Variants in NRG1 observed in about 807,000 individuals in gnomAD.
The protein encoded by NRG1 is neuregulin 1, also known as pro-neuregulin-1, membrane-bound isoform.
In NRG1, 18 loss-of-function variants were observed where a neutral mutation model predicts 63.8. The ratio of observed to expected loss-of-function variants is 0.28; its 90% confidence interval spans 0.19 to 0.42. The LOEUF is 0.42. Among genes scored for constraint, NRG1 ranks in the 10% least tolerant of loss-of-function variants. The probability of loss-of-function intolerance (pLI) is 1.00; values close to 1 mark genes in which losing one functional copy is unlikely to be tolerated. For missense variants in NRG1, 762 were observed against 814.7 expected, an observed-to-expected ratio of 0.94 and a Z score of 0.79; for synonymous variants, 302 against 301.3, an observed-to-expected ratio of 1.00 and a Z score of -0.02.
chr8:32,588,966 G>T (rs1178781205), intron 1 of NRG1, among the ~76,000 whole-genome samples: 1 of 152,116 alleles, frequency 6.6e-6, no homozygotes, highest in Non-Finnish European at 1.5e-5. Context: ...TAGAGCACAG[G>T]GCGGGGTGAG....
chr8:32,198,708 T>C (rs960189257), intron 1 of NRG1, among the ~76,000 whole-genome samples: 1 of 152,202 alleles, frequency 6.6e-6, no homozygotes, highest in African/African-American at 2.4e-5. Context: ...GTCAATCTCA[T>C]ATCCAAAGCT....
intron 1 of NRG1, among the ~76,000 whole-genome samples, chr8:31,990,974 G>A (rs1430774024): frequency 6.6e-6 from 1 of 152,046 alleles, no homozygotes; most frequent in Non-Finnish European, 1.5e-5. Flanking sequence ...GAAAATTCTG[G>A]TTAAGGAAGA....
chr8:31,879,178 C>A (rs935189150), intron 1 of NRG1, among the ~76,000 whole-genome samples: 3 of 152,162 alleles, frequency 2.0e-5, no homozygotes, highest in Admixed American at 1.3e-4. Flanking sequence ...TTCAACACAG[C>A]CAATTTCCTA....
chr8:31,835,294 A>G (rs781335341), intron 1 of NRG1, among the ~76,000 whole-genome samples: 1 of 152,212 alleles, frequency 6.6e-6, no homozygotes, highest in Non-Finnish European at 1.5e-5. Context: ...AAAGTCCTCC[A>G]CTAATTCTCA....
At chr8:31,790,133 A>G (rs574056916) in intron 1 of NRG1, among the ~76,000 whole-genome samples, 11 of 152,344 alleles carry the variant, frequency 7.2e-5, no homozygotes, top group African/African-American at 2.6e-4. Context: ...ACTAATACAC[A>G]TTTCAGGCAT....
At chr8:32,610,353 G>T (rs1383535367) in intron 3 of NRG1, among the ~76,000 whole-genome samples, 1 of 152,072 alleles carries the variant, frequency 6.6e-6, no homozygotes, top group Admixed American at 6.6e-5. Flanking sequence ...GGGGAGGTTG[G>T]GGGAGACATT....
At chr8:32,020,288 A>G (rs1255682148) in intron 1 of NRG1, among the ~76,000 whole-genome samples, 1 of 152,176 alleles carries the variant, frequency 6.6e-6, no homozygotes. Flanking sequence ...ATCTCACTAT[A>G]ATTGTTATTA....
chr8:32,540,075 T>TTTG (rs149306385), intron 1 of NRG1, among the ~76,000 whole-genome samples: 150 of 152,032 alleles, frequency 9.9e-4, no homozygotes, highest in African/African-American at 1.8e-3. Context: ...AAAGAAAGGT[T>TTTG]TTGTTGTTGT....
intron 1 of NRG1, among the ~76,000 whole-genome samples, chr8:32,161,314 A>G (rs760077814): frequency 1.3e-5 from 2 of 152,206 alleles, no homozygotes; most frequent in Admixed American, 6.5e-5. Flanking sequence ...AGAGAGACTC[A>G]TTGAATCAGT....
chr8:32,688,833 C>G (rs28587287), intron 5 of NRG1, among the ~76,000 whole-genome samples: 12,998 of 152,044 alleles, frequency 0.085, 588 homozygotes, highest in Middle Eastern at 0.095. Flanking sequence ...ATTCCTATTC[C>G]TGATTTTATT....
At chr8:31,661,515 C>G (rs1246322618) in intron 1 of NRG1, among the ~76,000 whole-genome samples, 2 of 152,174 alleles carry the variant, frequency 1.3e-5, no homozygotes, top group African/African-American at 4.8e-5. Flanking sequence ...GTTCTTCTTT[C>G]ATAAACTCTG....
At chr8:32,470,408 G>T (rs1823693099) in intron 1 of NRG1, among the ~76,000 whole-genome samples, 1 of 151,286 alleles carries the variant, frequency 6.6e-6, no homozygotes, top group South Asian at 2.1e-4. Flanking sequence ...GTTTCACCGT[G>T]TTAGCCAGGA....
chr8:31,969,536 C>G (rs1806930780), intron 1 of NRG1, among the ~76,000 whole-genome samples: 1 of 152,104 alleles, frequency 6.6e-6, no homozygotes, highest in Admixed American at 6.5e-5. Flanking sequence ...CACTCCTTAC[C>G]AAATATTGCT....
chr8:32,660,177 G>C (rs1377105205), intron 5 of NRG1, among the ~76,000 whole-genome samples: 1 of 152,166 alleles, frequency 6.6e-6, no homozygotes, highest in Non-Finnish European at 1.5e-5. Flanking sequence ...GATGTTCAAT[G>C]GAAATGCTCG....
intron 1 of NRG1, among the ~76,000 whole-genome samples, chr8:31,911,388 T>C (rs750809316): frequency 2.0e-5 from 3 of 152,168 alleles, no homozygotes; most frequent in Non-Finnish European, 4.4e-5. Flanking sequence ...TATACACTAC[T>C]GAATACTGTG....
chr8:31,760,086 TGTCCAAACTCTTGTAAA>T (rs1315990984), intron 1 of NRG1, among the ~76,000 whole-genome samples: 1 of 152,312 alleles, frequency 6.6e-6, no homozygotes, highest in Admixed American at 6.5e-5. Flanking sequence ...GAATCAACTT[TGTCCAAACTCTTGTAAA>T]TGTTAATATT....
At chr8:32,355,814 C>T (rs911939208) in intron 1 of NRG1, among the ~76,000 whole-genome samples, 7 of 152,014 alleles carry the variant, frequency 4.6e-5, no homozygotes, top group East Asian at 3.9e-4. Flanking sequence ...ACTTGTAGTA[C>T]GGTACCTGGG....
At chr8:32,119,693 A>G (rs1485401153) in intron 1 of NRG1, among the ~76,000 whole-genome samples, 4 of 152,016 alleles carry the variant, frequency 2.6e-5, no homozygotes, top group Non-Finnish European at 5.9e-5. Flanking sequence ...CTCCAGCTAG[A>G]TGAATTGGAA....
chr8:31,706,132 A>G (rs1811126290), intron 1 of NRG1, among the ~76,000 whole-genome samples: 1 of 152,192 alleles, frequency 6.6e-6, no homozygotes. Flanking sequence ...ACATAGTAAG[A>G]GATTTCCTTC....
Sources: allele counts gnomAD v4.1 joint callset (sites outside exome capture counted in the v4.1 genomes callset), GRCh38; gene constraint gnomAD v4.1.1; transcripts MANE v1.5; gene names NCBI Gene and HGNC (gene_info 2026-07-23, HGNC 2026-07-21).